The following KIF16B variants were observed in gnomAD, a reference collection of about 807,000 sequenced individuals.
KIF16B encodes the protein kinesin family member 16B.
KIF16B carries 98 observed loss-of-function variants against 156.3 expected under a neutral mutation model. The ratio of observed to expected loss-of-function variants is 0.63; its 90% CI spans 0.53 to 0.74. The LOEUF (loss-of-function observed/expected upper bound fraction) is 0.74. Among genes scored for constraint, KIF16B ranks in the 30% least tolerant of loss-of-function variants. The pLI, the probability that KIF16B is intolerant of heterozygous loss-of-function variation, is 0.00. For synonymous variants in KIF16B, 564 were observed against 583.7 expected (o/e 0.97, Z 0.49); for missense variants, 1,421 against 1,606.5 (o/e 0.88, Z 1.97).
At chr20:16,300,574 GAAGTGA>G (rs1449859466) in intron 25 of KIF16B, among the ~76,000 whole-genome samples, 1 of 152,112 alleles carries the variant, frequency 6.6e-6, no homozygotes, top group Non-Finnish European at 1.5e-5. Context: ...AGGAAGGATA[GAAGTGA>G]AAGAGCAATT....
At chr20:16,408,800 G>A (rs59212194) in intron 15 of KIF16B, among the ~76,000 whole-genome samples, 17,371 of 152,084 alleles carry the variant, frequency 0.11, 1,409 homozygotes, top group East Asian at 0.22. Context: ...CAACTGTCTG[G>A]CATGTTAAAA....
intron 15 of KIF16B, among the ~76,000 whole-genome samples, chr20:16,421,813 G>C (rs2066233343): frequency 1.3e-5 from 2 of 152,102 alleles, no homozygotes. Flanking sequence ...CAGTGATACT[G>C]AGAAAGCTGT....
At chr20:16,491,141 A>G (rs1346032166) in intron 12 of KIF16B, among the ~76,000 whole-genome samples, 1 of 152,102 alleles carries the variant, frequency 6.6e-6, no homozygotes, top group African/African-American at 2.4e-5. Flanking sequence ...GGATTTTGCT[A>G]GAGGAACGGA....
At chr20:16,510,253 A>G (rs1431686050) in intron 6 of KIF16B, among the ~76,000 whole-genome samples, 1 of 152,124 alleles carries the variant, frequency 6.6e-6, no homozygotes, top group Non-Finnish European at 1.5e-5. Flanking sequence ...TAGGCTAAAA[A>G]CTCTTAACAG....
intron 5 of KIF16B, 126 bp downstream of exon 5, chr20:16,512,700 G>C (rs1038387993): frequency 3.3e-6 from 2 of 601,246 alleles, no homozygotes; most frequent in African/African-American, 3.7e-5. Context: ...AATCACAGGA[G>C]GGGAAAAGGG....
chr20:16,432,395 C>A (rs2066525961), intron 12 of KIF16B, among the ~76,000 whole-genome samples: 1 of 152,134 alleles, frequency 6.6e-6, no homozygotes, highest in Non-Finnish European at 1.5e-5. Context: ...ATAGTCAAGA[C>A]GCAGTGACCA....
chr20:16,416,341 G>T (rs973544865), intron 15 of KIF16B, among the ~76,000 whole-genome samples: 1 of 152,026 alleles, frequency 6.6e-6, no homozygotes, highest in Non-Finnish European at 1.5e-5. Context: ...TTTATAGTTT[G>T]GGTTTTACAT....
intron 23 of KIF16B, among the ~76,000 whole-genome samples, chr20:16,348,518 G>C (rs2064275205): frequency 1.3e-5 from 2 of 152,218 alleles, no homozygotes; most frequent in Non-Finnish European, 2.9e-5. Context: ...TTTCCTTGAA[G>C]AGCTGCAATT....
intron 23 of KIF16B, among the ~76,000 whole-genome samples, chr20:16,352,550 C>T (rs1331697917): frequency 2.6e-5 from 4 of 152,300 alleles, no homozygotes; most frequent in Non-Finnish European, 4.4e-5. Context: ...TGAAATCACA[C>T]GCCCTGTGTC....
At chr20:16,464,097 G>A (rs6111143) in intron 12 of KIF16B, among the ~76,000 whole-genome samples, 21,119 of 152,044 alleles carry the variant, frequency 0.14, 1,910 homozygotes, top group Non-Finnish European at 0.21. Flanking sequence ...CATTTTTAAC[G>A]TCTAATAATT....
intron 15 of KIF16B, 137 bp downstream of exon 15, chr20:16,426,967 C>A: frequency 1.6e-6 from 1 of 635,042 alleles, no homozygotes; most frequent in Non-Finnish European, 2.5e-6. Context: ...GAGAAACAGC[C>A]TATTGAAGCA....
At chr20:16,364,325 C>CTAGAATGTAT (rs2064612373) in intron 22 of KIF16B, among the ~76,000 whole-genome samples, 1 of 152,192 alleles carries the variant, frequency 6.6e-6, no homozygotes, top group Non-Finnish European at 1.5e-5. Flanking sequence ...GAGCTATTGT[C>CTAGAATGTAT]TAGAATGTAT....
At chr20:16,494,171 T>G (rs1262458469) in intron 12 of KIF16B, 120 bp downstream of exon 12, 1 of 641,604 alleles carries the variant, frequency 1.6e-6, no homozygotes, top group African/African-American at 1.9e-5. Context: ...ACTAATTGGT[T>G]CCAGTGATCT....
At chr20:16,427,069 A>G (rs1328139557) in intron 15 of KIF16B, 35 bp downstream of exon 15, 2 of 1,536,308 alleles carry the variant, frequency 1.3e-6, no homozygotes, top group Admixed American at 2.1e-5. Flanking sequence ...CTCAAACAAT[A>G]TATACAAAGA....
rs562967846 is a variant in KIF16B at position 16,571,775 on chromosome 20, G to A, written c.47+1454C>T. On this transcript the variant is annotated intron_variant, in intron 1 of 25. Transcript: ENST00000354981. ...CTCACGAGTAGCTGGGACTACAGGC[G>A]TCCACCACCACGCCCGGCTAATTTT... Among the ~76,000 whole-genome samples, 24 of 151,982 alleles carry A rather than the reference G, an allele frequency of 1.6e-4. 1 individual carries two copies. In the South Asian group the frequency reaches 2.9e-3, roughly 18 times the overall value.
chr20:16,514,471 C>T (rs967998667), intron 4 of KIF16B, among the ~76,000 whole-genome samples: 22 of 151,324 alleles, frequency 1.5e-4, no homozygotes, highest in African/African-American at 1.5e-4. Flanking sequence ...GCATTACAGA[C>T]ACCACATGTG....
intron 15 of KIF16B, among the ~76,000 whole-genome samples, chr20:16,425,414 T>C (rs1022956610): frequency 7.2e-5 from 11 of 152,112 alleles, no homozygotes; most frequent in Non-Finnish European, 1.6e-4. Context: ...GAAAATCCAA[T>C]TAATAAGTGT....
In KIF16B at chr20:16,430,872, C is replaced by A. The variant is rs145963817; in HGVS notation, c.1303-890G>T. Among the ~76,000 whole-genome samples the A allele has an allele frequency of 3.5e-3, 523 of 149,142 alleles. 3 individuals carry two copies. Among genetic ancestry groups the A allele is most frequent in the African/African-American group, 0.012 (484 of 38,922 alleles). On this transcript the variant is annotated intron_variant, in intron 12 of 25. Transcript: ENST00000354981. ...ATGTATATATATATATATATGTACA[C>A]CAACCCAACTCAGTTTAGCTATGGA...
intron 1 of KIF16B, among the ~76,000 whole-genome samples, chr20:16,567,734 A>C (rs1600715955): frequency 6.6e-6 from 1 of 152,100 alleles, no homozygotes; most frequent in East Asian, 1.9e-4. Flanking sequence ...GCGGATCATG[A>C]GGTCGGGAGA....
Sources: gnomAD v4.1 joint callset for allele counts (sites outside exome capture counted in the v4.1 genomes callset) on GRCh38, gnomAD v4.1.1 for gene constraint, MANE v1.5 for transcripts, NCBI Gene and HGNC (gene_info 2026-07-23, HGNC 2026-07-21) for gene names.